The following CNTNAP2 variants were observed in gnomAD, a reference collection of about 807,000 sequenced individuals.
CNTNAP2 encodes the protein contactin-associated protein-like 2.
CNTNAP2 carries 98 observed loss-of-function variants against 155.2 expected under a neutral mutation model. That is an observed-to-expected ratio of 0.63 (90% CI 0.54 to 0.75). The LOEUF (loss-of-function observed/expected upper bound fraction) is 0.75. CNTNAP2 is among the 30% of genes least tolerant of loss of function. The pLI, the probability that CNTNAP2 is intolerant of heterozygous loss-of-function variation, is 0.00. For missense variants in CNTNAP2, 1,727 were observed against 1,688.1 expected (o/e 1.02, Z -0.40); for synonymous variants, 651 against 631.2 (o/e 1.03, Z -0.47).
intron 1 of CNTNAP2, among the ~76,000 whole-genome samples, chr7:146,175,085 C>T (rs969549911): frequency 5.9e-5 from 9 of 152,006 alleles, no homozygotes; most frequent in African/African-American, 1.9e-4. Flanking sequence ...ACCAAGCTAT[C>T]GGCTGAAACC....
chr7:147,848,520 C>T (rs1354113732), intron 13 of CNTNAP2, among the ~76,000 whole-genome samples: 25 of 137,594 alleles, frequency 1.8e-4, no homozygotes, highest in African/African-American at 5.6e-4. Flanking sequence ...GAGATGAACC[C>T]GGTACCTCAG....
chr7:147,396,594 T>C (rs1392905259), intron 10 of CNTNAP2, among the ~76,000 whole-genome samples: 3 of 152,162 alleles, frequency 2.0e-5, no homozygotes, highest in Admixed American at 6.6e-5. Context: ...AGTGGGAAGA[T>C]GCAACTTTTC....
intron 13 of CNTNAP2, among the ~76,000 whole-genome samples, chr7:147,716,420 A>G (rs1039407120): frequency 1.6e-4 from 25 of 152,244 alleles, no homozygotes; most frequent in African/African-American, 5.5e-4. Flanking sequence ...TGATCTACAT[A>G]GGGCACAAAA....
chr7:147,158,420 C>T (rs1257220325), intron 8 of CNTNAP2, among the ~76,000 whole-genome samples: 4 of 152,020 alleles, frequency 2.6e-5, no homozygotes, highest in East Asian at 1.9e-4. Flanking sequence ...TCTTCAGTGA[C>T]TTTATTCTGC....
chr7:146,356,175 C>G (rs550402141), intron 1 of CNTNAP2, among the ~76,000 whole-genome samples: 6 of 152,014 alleles, frequency 3.9e-5, no homozygotes, highest in Admixed American at 6.6e-5. Context: ...CTGTAGACAT[C>G]AGATGTACTC....
chr7:147,876,320 G>A (rs1799418301), intron 13 of CNTNAP2, among the ~76,000 whole-genome samples: 1 of 152,038 alleles, frequency 6.6e-6, no homozygotes, highest in African/African-American at 2.4e-5. Flanking sequence ...TATTATTAGT[G>A]CTGCTGTGCG....
At chr7:147,620,001 G>A (rs770433080) in intron 12 of CNTNAP2, among the ~76,000 whole-genome samples, 3 of 152,216 alleles carry the variant, frequency 2.0e-5, no homozygotes, top group Non-Finnish European at 4.4e-5. Context: ...CTCTATTTGT[G>A]TGGGAGGAAG....
At chr7:147,604,888 A>G (rs918825193) in intron 12 of CNTNAP2, among the ~76,000 whole-genome samples, 2 of 152,216 alleles carry the variant, frequency 1.3e-5, no homozygotes, top group African/African-American at 4.8e-5. Context: ...CTCACTGCAC[A>G]TAGGTTGCAA....
At chr7:146,466,473 G>C (rs997618726) in intron 1 of CNTNAP2, among the ~76,000 whole-genome samples, 1 of 152,166 alleles carries the variant, frequency 6.6e-6, no homozygotes, top group African/African-American at 2.4e-5. Context: ...CTGGTTAACT[G>C]TTAAATTTTA....
chr7:146,228,786 C>T (rs1799336227), intron 1 of CNTNAP2, among the ~76,000 whole-genome samples: 1 of 152,096 alleles, frequency 6.6e-6, no homozygotes, highest in Non-Finnish European at 1.5e-5. Flanking sequence ...ATAGAGACCA[C>T]ATTTTTTAAC....
intron 8 of CNTNAP2, among the ~76,000 whole-genome samples, chr7:147,134,076 A>G (rs1801430716): frequency 6.6e-6 from 1 of 152,070 alleles, no homozygotes; most frequent in African/African-American, 2.4e-5. Flanking sequence ...ATTATTGCCT[A>G]ATGACTAAAC....
At chr7:147,197,201 C>G (rs1014934354) in intron 8 of CNTNAP2, among the ~76,000 whole-genome samples, 4 of 152,012 alleles carry the variant, frequency 2.6e-5, no homozygotes, top group African/African-American at 9.7e-5. Flanking sequence ...CACAACCAAT[C>G]AGACTAGTTG....
intron 15 of CNTNAP2, among the ~76,000 whole-genome samples, chr7:148,021,609 C>T (rs1462295507): frequency 1.3e-5 from 2 of 152,228 alleles, no homozygotes; most frequent in African/African-American, 4.8e-5. Context: ...GCATCTCCAC[C>T]TGCGAGAGAC....
chr7:147,967,192 A>T (rs1801230909), intron 14 of CNTNAP2, among the ~76,000 whole-genome samples: 1 of 152,212 alleles, frequency 6.6e-6, no homozygotes. Context: ...ATATGAATGT[A>T]GATGCACAAA....
chr7:146,224,249 G>A lies in CNTNAP2; in HGVS notation c.97+107276G>A, dbSNP rs552254195. ...ACAACCTCACATAGGGAGGGACCAT[G>A]TGCTGGTCAGGAAATAAACAGCTTT... On this transcript the variant is annotated intron_variant, in intron 1 of 23. Coordinates refer to ENST00000361727, the MANE Select transcript of CNTNAP2 (RefSeq NM_014141.6). Among the ~76,000 whole-genome samples, 50 of 152,246 alleles carry A rather than the reference G, an allele frequency of 3.3e-4. 2 individuals carry two copies. The South Asian group carries it at 1.0e-2, about 30-fold the overall frequency.
At chr7:146,364,210 G>T (rs116769731) in intron 1 of CNTNAP2, among the ~76,000 whole-genome samples, 4,237 of 152,194 alleles carry the variant, frequency 0.028, 104 homozygotes, top group African/African-American at 0.061. Flanking sequence ...AGAATTAAGT[G>T]ATTTGCCCCC....
chr7:147,626,547 G>A (rs1236028921), intron 12 of CNTNAP2, among the ~76,000 whole-genome samples: 1 of 152,086 alleles, frequency 6.6e-6, no homozygotes, highest in African/African-American at 2.4e-5. Flanking sequence ...ACCCACCCTA[G>A]TAGCTGATTA....
intron 3 of CNTNAP2, among the ~76,000 whole-genome samples, chr7:146,883,287 T>C (rs1445332880): frequency 6.6e-6 from 1 of 152,188 alleles, no homozygotes. Context: ...GTGTTTCCAA[T>C]AATTTCAGAG....
intron 14 of CNTNAP2, among the ~76,000 whole-genome samples, chr7:147,908,857 T>C (rs1800012298): frequency 6.6e-6 from 1 of 152,174 alleles, no homozygotes; most frequent in Non-Finnish European, 1.5e-5. Flanking sequence ...AAGACCAAAA[T>C]GAGGACAAAG....
Sources: gnomAD v4.1 joint callset for allele counts (sites outside exome capture counted in the v4.1 genomes callset) on GRCh38, gnomAD v4.1.1 for gene constraint, MANE v1.5 for transcripts, NCBI Gene and HGNC (gene_info 2026-07-23, HGNC 2026-07-21) for gene names.